The following UGT1A8 variants were observed in gnomAD, a reference collection of about 807,000 sequenced individuals.
UGT1A8 encodes the protein UDP-glucuronosyltransferase 1A8.
A neutral mutation model predicts 45.3 loss-of-function variants in UGT1A8; 39 were observed. That is an observed-to-expected ratio of 0.86 (90% CI 0.67 to 1.12). The LOEUF (loss-of-function observed/expected upper bound fraction) is 1.12, where lower values mean the gene tolerates loss of function less well. UGT1A8 is among the 50% of genes most tolerant of loss of function. The probability of loss-of-function intolerance (pLI) is 0.00; values close to 1 mark genes in which losing one functional copy is unlikely to be tolerated. For synonymous variants in UGT1A8, 275 were observed against 249.2 expected, an observed-to-expected ratio of 1.10 and a Z score of -0.97; for missense variants, 719 against 664.9, an observed-to-expected ratio of 1.08 and a Z score of -0.90.
rs562159767 is a variant in UGT1A8, at chr2:233,728,334, A to G, written c.856-38700A>G. On this transcript the variant is annotated intron_variant, in intron 1 of 4. Transcript: ENST00000373450. ...TCTGAGGCCAGGCTCCAGCTCCCCC[A>G]GTCCCTTGGTGAGCAGGAGCTCCCT... Among the ~76,000 whole-genome samples, 5 of 152,308 alleles carry G rather than the reference A, an allele frequency of 3.3e-5. No homozygotes were observed. The South Asian group carries it at 6.2e-4, about 19-fold the overall frequency.
In UGT1A8 at chr2:233,637,266, A is replaced by G. The variant is rs184952248; in HGVS notation, c.855+18704A>G. On this transcript the variant is annotated intron_variant, in intron 1 of 4. Transcript: ENST00000373450. ...CGGCATATGATCTCTACAGTCACAC[A>G]TCAATTTGGTTGTTGCGAACGGACT... 3.1e-6 allele frequency: 5 copies of G among 1,613,960 alleles called. No individual in the cohort carries two copies. The Admixed American group carries it at 8.3e-5, about 27-fold the overall frequency.
Position 233,772,371 on chromosome 2 carries a change from C to T in UGT1A8, c.1405C>T (p.Pro469Ser), listed in dbSNP as rs377565834. Reference sequence around the variant, plus strand: ...GTTTGTGATGAGGCACAAGGGCGCGCCACACCTGCGCCCCGCAGCCCACGA... The same window carrying T: ...GTTTGTGATGAGGCACAAGGGCGCGTCACACCTGCGCCCCGCAGCCCACGA... ...VEFVMRHKGA[P>S]HLRPAAHDLT... Residue 469 changes from proline to serine, a missense_variant, in exon 5 of 5, where the codon CCA becomes TCA. Coordinates refer to ENST00000373450, the MANE Select transcript of UGT1A8 (RefSeq NM_019076.5). 8 of 1,614,242 alleles carry T rather than the reference C, an allele frequency of 5.0e-6. No individual in the cohort carries two copies. Among genetic ancestry groups the T allele is most frequent in the Non-Finnish European group, 6.8e-6 (8 of 1,180,046 alleles).
chr2:233,707,949 C>G (rs530290982), intron 1 of UGT1A8, among the ~76,000 whole-genome samples: 9 of 152,206 alleles, frequency 5.9e-5, no homozygotes, highest in Non-Finnish European at 1.0e-4. Flanking sequence ...TTTGGATTTC[C>G]TCTTTTGCCC....
At chr2:233,680,317 G>A (rs1286027942) in intron 1 of UGT1A8, among the ~76,000 whole-genome samples, 2 of 152,190 alleles carry the variant, frequency 1.3e-5, no homozygotes, top group Non-Finnish European at 2.9e-5. Context: ...ATTTACTAGA[G>A]AGAAGAAACG....
intron 1 of UGT1A8, chr2:233,681,994 C>G: frequency 6.2e-7 from 1 of 1,614,172 alleles, no homozygotes; most frequent in Non-Finnish European, 8.5e-7. Context: ...TACTGCTGAC[C>G]TGTGGCTTTG....
intron 1 of UGT1A8, chr2:233,747,202 T>G: frequency 5.0e-6 from 8 of 1,604,908 alleles, no homozygotes; most frequent in South Asian, 1.1e-5. Context: ...GCTGTCCGTG[T>G]CTTCTGCTGA....
chr2:233,743,344 G>C, intron 1 of UGT1A8: 1 of 880,632 alleles, frequency 1.1e-6, no homozygotes, highest in South Asian at 1.4e-5. Context: ...AGTGGAAGTC[G>C]ACATGGACTT....
chr2:233,719,362 A>G (rs780815803), intron 1 of UGT1A8: 39 of 1,613,708 alleles, frequency 2.4e-5, no homozygotes, highest in Non-Finnish European at 3.1e-5. Context: ...TGTGACTTAG[A>G]CTTTAAGGGC....
chr2:233,622,298 A>T (rs936880523), intron 1 of UGT1A8, among the ~76,000 whole-genome samples: 1 of 152,218 alleles, frequency 6.6e-6, no homozygotes, highest in Non-Finnish European at 1.5e-5. Context: ...TCCTTGAGGA[A>T]TTGCCACACT....
intron 1 of UGT1A8, among the ~76,000 whole-genome samples, chr2:233,714,278 A>C (rs2076377797): frequency 6.6e-6 from 1 of 152,138 alleles, no homozygotes. Flanking sequence ...TGACGTGACA[A>C]TTTTTAGTGG....
At chr2:233,660,200 C>G (rs1417169432) in intron 1 of UGT1A8, among the ~76,000 whole-genome samples, 1 of 152,190 alleles carries the variant, frequency 6.6e-6, no homozygotes, top group African/African-American at 2.4e-5. Flanking sequence ...AGGACATCTT[C>G]CACAGTGTAA....
chr2:233,719,883 T>C (rs871514), intron 1 of UGT1A8, among the ~76,000 whole-genome samples: 81,602 of 151,974 alleles, frequency 0.54, 23,564 homozygotes, highest in African/African-American at 0.76. Context: ...GAGGCACGGA[T>C]GAGGGTCTGT....
In UGT1A8 at chr2:233,760,861, T is replaced by C. The variant is rs776126400; in HGVS notation, c.856-6173T>C. 1.9e-6 allele frequency: 3 copies of C among 1,614,158 alleles called. No individual in the cohort carries two copies. The South Asian group carries it at 3.3e-5, about 18-fold the overall frequency. The stretch of plus-strand genomic sequence containing the variant: ...TACCCAGTGCCCCAACCCATTCTCC[T>C]ACGTGCCCAGGCCTCTCTCCTCTCA... On this transcript the variant is annotated intron_variant, in intron 1 of 4. Coordinates refer to ENST00000373450, the MANE Select transcript of UGT1A8 (RefSeq NM_019076.5).
chr2:233,617,957 G>C lies in UGT1A8; in HGVS notation c.250G>C (p.Glu84Gln). Residue 84 changes from glutamate (E) to glutamine (Q), a missense_variant, in exon 1 of 5, where the codon GAG becomes CAG. By Grantham distance (29) the Glu-to-Gln change is conservative (BLOSUM62 2). Coordinates refer to ENST00000373450, the MANE Select transcript of UGT1A8 (RefSeq NM_019076.5). ...GACTTACTCAACCTCATACACTCTG[G>C]AGGATCTGGACCGGGAATTCATGGA... is the stretch of plus-strand genomic sequence containing the variant. ...VKTYSTSYTLEDLDREFMDFA... is the reference protein window; with the variant it reads ...VKTYSTSYTLQDLDREFMDFA... The C allele has an allele frequency of 6.2e-7, 1 of 1,614,206 alleles. No individual in the cohort carries two copies. The highest frequency in any genetic ancestry group is 8.5e-7 in the Non-Finnish European group (1 of 1,180,044).
chr2:233,647,101 C>T (rs1413368619), intron 1 of UGT1A8, among the ~76,000 whole-genome samples: 3 of 152,122 alleles, frequency 2.0e-5, no homozygotes, highest in African/African-American at 4.8e-5. Context: ...GGAAAACTTC[C>T]ATTTTTAAAA....
At chr2:233,746,837 G>A (rs1378280242) in intron 1 of UGT1A8, among the ~76,000 whole-genome samples, 1 of 151,758 alleles carries the variant, frequency 6.6e-6, no homozygotes, top group African/African-American at 2.4e-5. Context: ...CACTGTTGGG[G>A]ACCTCTCAGA....
chr2:233,732,755 G>GA (rs1553614027), intron 1 of UGT1A8, among the ~76,000 whole-genome samples: 1 of 120,226 alleles, frequency 8.3e-6, no homozygotes, highest in Non-Finnish European at 1.8e-5. Flanking sequence ...CACCAGCTTT[G>GA]TTTTTTTTTT....
At chr2:233,753,742 T>C (rs1695292071) in intron 1 of UGT1A8, 1 of 152,200 alleles carries the variant, frequency 6.6e-6, no homozygotes, top group African/African-American at 2.4e-5. Context: ...AGCACAGCAA[T>C]AGGACAGTTT....
chr2:233,733,177 G>T (rs2078363766), intron 1 of UGT1A8, among the ~76,000 whole-genome samples: 1 of 152,226 alleles, frequency 6.6e-6, no homozygotes, highest in Non-Finnish European at 1.5e-5. Flanking sequence ...GGACTTTGCT[G>T]AAGTTGCTTA....
Sources: allele counts gnomAD v4.1 joint callset (sites outside exome capture counted in the v4.1 genomes callset), GRCh38; gene constraint gnomAD v4.1.1; transcripts MANE v1.5; gene names NCBI Gene and HGNC (gene_info 2026-07-23, HGNC 2026-07-21).